Variants in EDIL3 observed in about 807,000 individuals in gnomAD.
EDIL3 encodes EGF-like repeat and discoidin I-like domain-containing protein 3.
In EDIL3, 37 loss-of-function variants were observed where a neutral mutation model predicts 67.4. That is an observed-to-expected ratio of 0.55 (90% CI 0.42 to 0.72). The LOEUF is 0.72. Ranked by LOEUF, EDIL3 falls within the 30% of genes least tolerant of loss-of-function variation. The pLI is 0.00. For synonymous variants in EDIL3, 195 were observed against 196.3 expected (o/e 0.99, Z 0.05); for missense variants, 527 against 586.3 (o/e 0.90, Z 1.04).
intron 4 of EDIL3, among the ~76,000 whole-genome samples, chr5:84,172,861 C>T (rs539029594): frequency 2.6e-5 from 4 of 152,146 alleles, no homozygotes; most frequent in Admixed American, 2.0e-4. Context: ...GCTATATTAA[C>T]TGCATGCTTT....
chr5:84,006,840 C>CT (rs1175932289), intron 9 of EDIL3, among the ~76,000 whole-genome samples: 1 of 151,996 alleles, frequency 6.6e-6, no homozygotes, highest in African/African-American at 2.4e-5. Flanking sequence ...GTTCTCCTGT[C>CT]TTTTTTAAGC....
At chr5:84,207,362 G>A (rs550463397) in intron 3 of EDIL3, among the ~76,000 whole-genome samples, 1 of 152,210 alleles carries the variant, frequency 6.6e-6, no homozygotes, top group East Asian at 1.9e-4. Flanking sequence ...CCTCTTCAAG[G>A]AGAACTACAA....
At chr5:84,032,683 GA>G (rs1464253675) in intron 9 of EDIL3, among the ~76,000 whole-genome samples, 2 of 152,074 alleles carry the variant, frequency 1.3e-5, no homozygotes, top group Non-Finnish European at 2.9e-5. Context: ...TGAAGAAACA[GA>G]AAAAATAATA....
intron 4 of EDIL3, among the ~76,000 whole-genome samples, chr5:84,145,795 CTTTG>C (rs1219863755): frequency 7.0e-6 from 1 of 142,298 alleles, no homozygotes; most frequent in Non-Finnish European, 1.5e-5. Context: ...ATAAGAAAAT[CTTTG>C]TTTATCTGAA....
chr5:84,282,850 G>C (rs574243509), intron 1 of EDIL3, among the ~76,000 whole-genome samples: 1 of 151,958 alleles, frequency 6.6e-6, no homozygotes, highest in South Asian at 2.1e-4. Context: ...CTTTGAGGAA[G>C]GTGAAATATG....
chr5:84,192,835 G>C (rs1743620759), intron 3 of EDIL3, among the ~76,000 whole-genome samples: 1 of 151,970 alleles, frequency 6.6e-6, no homozygotes, highest in Non-Finnish European at 1.5e-5. Flanking sequence ...AAGAAAAAGT[G>C]AATGTCATGA....
intron 4 of EDIL3, among the ~76,000 whole-genome samples, chr5:84,158,527 T>A (rs1420348821): frequency 6.6e-6 from 1 of 152,018 alleles, no homozygotes; most frequent in Non-Finnish European, 1.5e-5. Context: ...ATACATCGAT[T>A]TCTAAAACAT....
intron 9 of EDIL3, among the ~76,000 whole-genome samples, chr5:84,018,373 T>A (rs1449686934): frequency 6.6e-6 from 1 of 152,168 alleles, no homozygotes; most frequent in Admixed American, 6.6e-5. Context: ...ATAATTTAAC[T>A]CTTGCTTCCC....
At chr5:83,974,378 G>A (rs763966066) in intron 9 of EDIL3, among the ~76,000 whole-genome samples, 1 of 151,900 alleles carries the variant, frequency 6.6e-6, no homozygotes, top group East Asian at 2.0e-4. Context: ...AGATTGGAGG[G>A]GAGAGAAGAG....
chr5:84,159,947 T>C (rs1580354315), intron 4 of EDIL3, among the ~76,000 whole-genome samples: 1 of 152,128 alleles, frequency 6.6e-6, no homozygotes, highest in South Asian at 2.1e-4. Flanking sequence ...TAGTTCATAA[T>C]AGAATAAATG....
At chr5:84,216,591 T>C (rs1172233446) in intron 3 of EDIL3, among the ~76,000 whole-genome samples, 1 of 152,244 alleles carries the variant, frequency 6.6e-6, no homozygotes, top group Admixed American at 6.5e-5. Flanking sequence ...TTTCTTCATA[T>C]ACTTTAACAT....
chr5:84,368,636 T>C (rs568769578), intron 1 of EDIL3, among the ~76,000 whole-genome samples: 3 of 152,182 alleles, frequency 2.0e-5, no homozygotes, highest in South Asian at 2.1e-4. Flanking sequence ...ATTGGACTTA[T>C]AAACATTAAA....
At chr5:84,258,067 T>A (rs2112080943) in intron 1 of EDIL3, among the ~76,000 whole-genome samples, 1 of 152,302 alleles carries the variant, frequency 6.6e-6, no homozygotes, top group East Asian at 1.9e-4. Context: ...AACCAAAGTT[T>A]TGATCTTGGA....
At chr5:84,315,996 T>C (rs2112149356) in intron 1 of EDIL3, among the ~76,000 whole-genome samples, 1 of 152,286 alleles carries the variant, frequency 6.6e-6, no homozygotes, top group South Asian at 2.1e-4. Flanking sequence ...CAGAATTTCA[T>C]ATCCAGCCAA....
intron 3 of EDIL3, among the ~76,000 whole-genome samples, chr5:84,204,074 C>A (rs1314286177): frequency 6.6e-6 from 1 of 152,070 alleles, no homozygotes; most frequent in Non-Finnish European, 1.5e-5. Flanking sequence ...CTAGTGAAAG[C>A]AAAACTTCAA....
intron 4 of EDIL3, among the ~76,000 whole-genome samples, chr5:84,144,087 T>C (rs1444957401): frequency 6.6e-6 from 1 of 152,042 alleles, no homozygotes; most frequent in East Asian, 1.9e-4. Context: ...CACTTAGAGA[T>C]TGTGACTTAA....
At chr5:83,950,220 A>G (rs911372766) in intron 10 of EDIL3, among the ~76,000 whole-genome samples, 17 of 151,916 alleles carry the variant, frequency 1.1e-4, no homozygotes, top group African/African-American at 3.9e-4. Context: ...ATCGTGATAA[A>G]CGATAACTGT....
At chr5:83,993,953 A>C (rs1425979733) in intron 9 of EDIL3, among the ~76,000 whole-genome samples, 1 of 152,186 alleles carries the variant, frequency 6.6e-6, no homozygotes, top group African/African-American at 2.4e-5. Context: ...TGTTGCTTAT[A>C]TTACACCCAC....
chr5:84,360,769 G>GATATATA (rs1747580499), intron 1 of EDIL3, among the ~76,000 whole-genome samples: 1 of 152,132 alleles, frequency 6.6e-6, no homozygotes, highest in Non-Finnish European at 1.5e-5. Context: ...CTAATCATAT[G>GATATATA]TGATATATCC....
Sources: gnomAD v4.1 joint callset for allele counts (sites outside exome capture counted in the v4.1 genomes callset) on GRCh38, gnomAD v4.1.1 for gene constraint, MANE v1.5 for transcripts, NCBI Gene and HGNC (gene_info 2026-07-23, HGNC 2026-07-21) for gene names.